Variants in FCGR2B observed in about 807,000 individuals in gnomAD.
FCGR2B encodes the protein Fc gamma receptor IIb.
Under a neutral mutation model 24.8 loss-of-function variants are expected in FCGR2B, and 18 were observed. That is an observed-to-expected ratio of 0.73 (90% CI 0.50 to 1.08). The LOEUF is 1.08. FCGR2B is among the 50% of genes least tolerant of loss of function. The pLI, the probability that FCGR2B is intolerant of heterozygous loss-of-function variation, is 0.00. For synonymous variants in FCGR2B, 79 were observed against 109.8 expected (o/e 0.72, Z 1.75); for missense variants, 215 against 297.6 (o/e 0.72, Z 2.04).
Position 161,675,239 on chromosome 1 carries a change from C to T in FCGR2B, c.761-18C>T, listed in dbSNP as rs1401510455. The T allele has an allele frequency of 3.1e-6, 5 of 1,600,182 alleles. No individual in the cohort carries two copies. Among genetic ancestry groups the T allele is most frequent in the East Asian group, 2.3e-5 (1 of 44,220 alleles). ...CCCCACCGCCTAATCCTACTAACCT[C>T]CTGTGTGCCCCTCCCAGCTCTCCCA... On this transcript the variant is annotated intron_variant, in intron 5 of 7. Transcript: ENST00000358671.
At chr1:161,671,192 C>A (rs1681618764) in intron 2 of FCGR2B, among the ~76,000 whole-genome samples, 200 bp from the exon 3 acceptor site, 2 of 152,132 alleles carry the variant, frequency 1.3e-5, no homozygotes, top group African/African-American at 2.4e-5. Flanking sequence ...GTTGCCCTGT[C>A]GGAGTCCTGG....
chr1:161,676,295 C>T (rs1682124493), intron 6 of FCGR2B: 1 of 204,272 alleles, frequency 4.9e-6, no homozygotes, highest in Non-Finnish European at 1.0e-5. Flanking sequence ...CAAAATATCA[C>T]TTGTTCAGCT....
upstream of FCGR2B, among the ~76,000 whole-genome samples, chr1:161,661,162 G>C (rs1257943781): frequency 4.3e-5 from 5 of 115,354 alleles, no homozygotes; most frequent in Admixed American, 8.8e-5. Context: ...AAGGAAGAAA[G>C]AAAGAAAGAA....
the FCGR2B span, among the ~76,000 whole-genome samples, chr1:161,651,763 A>G: frequency 8.3e-6 from 1 of 119,792 alleles, no homozygotes; most frequent in Non-Finnish European, 1.9e-5. Flanking sequence ...GAGAAACCCC[A>G]TCTCTACTAA....
Position 161,677,491 on chromosome 1 carries a change from A to G in FCGR2B, c.871A>G (p.Thr291Ala). 1 of 1,613,500 alleles carries G rather than the reference A, an allele frequency of 6.2e-7. No individual in the cohort carries two copies. Among genetic ancestry groups the G allele is most frequent in the South Asian group, 1.1e-5 (1 of 91,048 alleles). ...ADKVGAENTI[T>A]YSLLMHPDAL... ...CCTTCTCTAGGCTGAGAACACAATC[A>G]CCTATTCACTTCTCATGCACCCGGA... The change falls in exon 8 of 8, where the codon ACC (threonine) becomes GCC (alanine). Residue 291 changes from threonine to alanine, a missense_variant. Thr to Ala is a moderately conservative substitution (Grantham distance 58). Transcript: ENST00000358671.
the FCGR2B span, among the ~76,000 whole-genome samples, chr1:161,648,814 A>G: frequency 4.6e-5 from 7 of 150,760 alleles, no homozygotes; most frequent in African/African-American, 1.7e-4. Context: ...CTCAGCCTCC[A>G]GAGTAGATGG....
chr1:161,677,689 A>G lies in FCGR2B; in HGVS notation c.*136A>G, dbSNP rs886679097. ...GAGAAGGTTTCTTCCAGAGTCATCTACCTGAGTCCTGAAGCTCCCTGTCCT... is the reference window on the plus strand; with the variant it reads ...GAGAAGGTTTCTTCCAGAGTCATCTGCCTGAGTCCTGAAGCTCCCTGTCCT... On this transcript the variant is annotated 3_prime_UTR_variant, in exon 8 of 8. Coordinates refer to ENST00000358671, the MANE Select transcript of FCGR2B (RefSeq NM_001394477.1). The G allele has an allele frequency of 1.3e-5, 9 of 688,784 alleles. No individual in the cohort carries two copies. The highest frequency in any genetic ancestry group is 3.6e-5 in the African/African-American group (2 of 55,494). The allele number at this position is 688,784 out of a possible 1,614,324, so 42.7% of individuals were successfully genotyped here. A position where few individuals can be genotyped will look rare whatever the true frequency, so the allele number is the denominator to read the frequency against.
rs747369696 is a variant in FCGR2B at position 161,675,252 on chromosome 1, C to T, written c.761-5C>T. 6 of 1,605,160 alleles carry T rather than the reference C, an allele frequency of 3.7e-6. No individual in the cohort carries two copies. Among genetic ancestry groups the T allele is most frequent in the African/African-American group, 2.7e-5 (2 of 74,266 alleles). On this transcript the variant is annotated splice_polypyrimidine_tract_variant and splice_region_variant and intron_variant, in intron 5 of 7. Coordinates refer to ENST00000358671, the MANE Select transcript of FCGR2B (RefSeq NM_001394477.1). Reference sequence around the variant, plus strand: ...TCCTACTAACCTCCTGTGTGCCCCTCCCAGCTCTCCCAGGATACCCTGAGT... The same window carrying T: ...TCCTACTAACCTCCTGTGTGCCCCTTCCAGCTCTCCCAGGATACCCTGAGT...
At chr1:161,669,396 C>G (rs1681477853) in intron 1 of FCGR2B, among the ~76,000 whole-genome samples, 1 of 132,768 alleles carries the variant, frequency 7.5e-6, no homozygotes, top group Non-Finnish European at 1.7e-5. Context: ...CATGGTGAAA[C>G]CCCTTCTCTA....
chr1:161,675,116 G>T (rs1357972674), intron 5 of FCGR2B, 141 bp from the exon 6 acceptor site: 19 of 604,704 alleles, frequency 3.1e-5, no homozygotes, highest in Non-Finnish European at 4.7e-5. Context: ...TCTGAGCAGG[G>T]GAGCTGGGGG....
Position 161,678,484 on chromosome 1 carries a change from A to G in FCGR2B, c.*931A>G, listed in dbSNP as rs1008059724. On this transcript the variant is annotated 3_prime_UTR_variant, in exon 8 of 8. Transcript: ENST00000358671. ...AGTAGGCCACACCATTTAGGTTTGT[A>G]TAAGTACCTGCTATGATGTTCACAC... 4.6e-6 allele frequency: 1 copy of G among 217,884 alleles called. No homozygotes were observed. Among genetic ancestry groups the G allele is most frequent in the Non-Finnish European group, 9.2e-6 (1 of 108,376 alleles). The allele number at this position is 217,884 out of a possible 1,614,324, so 13.5% of individuals were successfully genotyped here.
At chr1:161,654,119 T>C in the FCGR2B span, among the ~76,000 whole-genome samples, 2 of 137,050 alleles carry the variant, frequency 1.5e-5, no homozygotes, top group African/African-American at 4.9e-5. Context: ...CTGTGATTAT[T>C]AAACTCTTTC....
upstream of FCGR2B, among the ~76,000 whole-genome samples, chr1:161,661,250 GAAAGAAAGA>G (rs1557895244): frequency 0.019 from 969 of 51,964 alleles, 118 homozygotes; most frequent in African/African-American, 0.049. Context: ...AAGAAAGAAA[GAAAGAAAGA>G]AAGGAAGGAA....
intron 3 of FCGR2B, 29 bp downstream of exon 3, chr1:161,671,678 C>G: frequency 2.5e-6 from 4 of 1,611,374 alleles, no homozygotes; most frequent in Non-Finnish European, 1.7e-6. Context: ...CAGGGTGGAC[C>G]TGGGAGGGCC....
chr1:161,676,425 T>G (rs910321477), intron 6 of FCGR2B: 3 of 181,250 alleles, frequency 1.7e-5, no homozygotes, highest in African/African-American at 7.1e-5. Context: ...ATTATCCATC[T>G]TGTTGTGTGG....
At chr1:161,648,782 C>A in the FCGR2B span, among the ~76,000 whole-genome samples, 6 of 150,662 alleles carry the variant, frequency 4.0e-5, no homozygotes, top group Admixed American at 6.7e-5. Context: ...CTCTATGTTC[C>A]AGGTTCAAGT....
At chr1:161,661,234 GAAAGAAAGAAAGAAAGAAAGAAAGA>G (rs1681045527), upstream of FCGR2B, among the ~76,000 whole-genome samples, 3 of 76,044 alleles carry the variant, frequency 3.9e-5, no homozygotes, top group African/African-American at 1.3e-4. Context: ...AAGAAAGAAA[GAAAGAAAGAAAGAAAGAAAGAAAGA>G]AAGGAAGGAA....
chr1:161,650,255 G>A, the FCGR2B span, among the ~76,000 whole-genome samples: 1 of 142,542 alleles, frequency 7.0e-6, no homozygotes, highest in South Asian at 2.2e-4. Context: ...CCATAGTTCT[G>A]GGATTACAGG....
intron 7 of FCGR2B, 26 bp downstream of exon 7, chr1:161,677,391 T>C: frequency 1.2e-6 from 2 of 1,612,358 alleles, no homozygotes; most frequent in Non-Finnish European, 1.7e-6. Flanking sequence ...CATCTCCCCC[T>C]CCCTTCTCCC....
Sources: allele counts gnomAD v4.1 joint callset (sites outside exome capture counted in the v4.1 genomes callset), GRCh38; gene constraint gnomAD v4.1.1; transcripts MANE v1.5; gene names NCBI Gene and HGNC (gene_info 2026-07-23, HGNC 2026-07-21).